The following ZFPM2 variants were observed in gnomAD, a reference collection of about 807,000 sequenced individuals.
The protein encoded by ZFPM2 is zinc finger protein, FOG family member 2, also known as zinc finger protein ZFPM2.
Under a neutral mutation model 98.6 loss-of-function variants are expected in ZFPM2, and 20 were observed. The ratio of observed to expected loss-of-function variants is 0.20; its 90% confidence interval spans 0.14 to 0.29. ZFPM2 has a LOEUF of 0.29. Ranked by LOEUF, ZFPM2 falls within the 10% of genes least tolerant of loss-of-function variation. The pLI, the probability that ZFPM2 is intolerant of heterozygous loss-of-function variation, is 1.00. For missense variants in ZFPM2, 1,310 were observed against 1,388.6 expected (o/e 0.94, Z 0.90); for synonymous variants, 518 against 502.7 (o/e 1.03, Z -0.41).
At chr8:105,506,345 A>C (rs1586423003) in intron 3 of ZFPM2, among the ~76,000 whole-genome samples, 1 of 152,206 alleles carries the variant, frequency 6.6e-6, no homozygotes, top group Admixed American at 6.5e-5. Flanking sequence ...AGAGTTTACT[A>C]TTAGGAGTTA....
chr8:105,675,686 A>G (rs1245621625), intron 5 of ZFPM2, among the ~76,000 whole-genome samples: 1 of 152,120 alleles, frequency 6.6e-6, no homozygotes, highest in South Asian at 2.1e-4. Context: ...AAAAAGCCCA[A>G]TTTCAGAGGC....
At position 105,802,810 on chromosome 8, in the gene ZFPM2, G is replaced by C; in HGVS notation, c.2728G>C (p.Glu910Gln). The C allele has an allele frequency of 6.2e-7, 1 of 1,613,564 alleles. No individual in the cohort carries two copies. Among genetic ancestry groups the C allele is most frequent in the East Asian group, 2.2e-5 (1 of 44,814 alleles). Reference sequence around the variant, plus strand: ...ACGAAACAGCCCTGATGTCAGCTACGAAAGAAGCATAATAAAATGTGAGAA... The same window carrying C: ...ACGAAACAGCCCTGATGTCAGCTACCAAAGAAGCATAATAAAATGTGAGAA... Reference protein sequence around the residue: ...SERNSPDVSYERSIIKCEKNG... With the variant: ...SERNSPDVSYQRSIIKCEKNG... Residue 910 changes from glutamate to glutamine, a missense_variant, in exon 8 of 8, where the codon GAA (glutamate) becomes CAA (glutamine). Transcript: ENST00000407775.
At chr8:105,381,031 C>T (rs1810877798) in intron 1 of ZFPM2, among the ~76,000 whole-genome samples, 1 of 141,644 alleles carries the variant, frequency 7.1e-6, no homozygotes, top group South Asian at 2.1e-4. Context: ...CACCTATCAA[C>T]CCATCATCTA....
chr8:105,493,856 T>G (rs894979269), intron 3 of ZFPM2, among the ~76,000 whole-genome samples: 8 of 152,014 alleles, frequency 5.3e-5, no homozygotes, highest in Admixed American at 3.9e-4. Context: ...TTTCTCCTAA[T>G]TATCCCCATG....
chr8:105,694,613 CAATT>C (rs1220263970), intron 5 of ZFPM2, among the ~76,000 whole-genome samples: 1 of 152,076 alleles, frequency 6.6e-6, no homozygotes, highest in African/African-American at 2.4e-5. Context: ...GATGAACAAT[CAATT>C]CTTGTTTATT....
Position 105,444,387 on chromosome 8 carries a change from G to A in ZFPM2, c.301+6G>A, listed in dbSNP as rs777087260. 6.2e-7 allele frequency: 1 copy of A among 1,601,040 alleles called. No individual in the cohort carries two copies. Among genetic ancestry groups the A allele is most frequent in the East Asian group, 2.2e-5 (1 of 44,638 alleles). On this transcript the variant is annotated splice_donor_region_variant and intron_variant, in intron 3 of 7. Coordinates refer to ENST00000407775, the MANE Select transcript of ZFPM2 (RefSeq NM_012082.4). ...AGACGACTGGGATGGACCAGGTAGGGGAGAATATTTAAAATTCAACCGTCT... is the reference window on the plus strand; with the variant it reads ...AGACGACTGGGATGGACCAGGTAGGAGAGAATATTTAAAATTCAACCGTCT...
chr8:105,801,745 A>G lies in ZFPM2; in HGVS notation c.1663A>G (p.Ile555Val), dbSNP rs781100381. The G allele has an allele frequency of 1.2e-6, 2 of 1,613,960 alleles. No individual in the cohort carries two copies. Among genetic ancestry groups the G allele is most frequent in the South Asian group, 1.1e-5 (1 of 91,076 alleles). ...PKGATCFECN[I>V]TFNNLDNYLV... Reference sequence around the variant, plus strand: ...GGGGGCTACTTGTTTTGAGTGTAACATAACATTCAATAATTTGGATAATTA... The same window carrying G: ...GGGGGCTACTTGTTTTGAGTGTAACGTAACATTCAATAATTTGGATAATTA... The change falls in exon 8 of 8, where the codon ATA (isoleucine) becomes GTA (valine). Residue 555 changes from isoleucine to valine, a missense_variant. By Grantham distance (29) the Ile-to-Val change is conservative. Transcript: ENST00000407775.
chr8:105,481,430 C>T lies in ZFPM2; in HGVS notation c.301+37049C>T, dbSNP rs535277572. ...TGGCCACCTTCTAGCTGTGTGCACA[C>T]GTGGCCTTTTCTGTTTGTGCACACG... On this transcript the variant is annotated intron_variant, in intron 3 of 7. Coordinates refer to ENST00000407775, the MANE Select transcript of ZFPM2 (RefSeq NM_012082.4). Among the ~76,000 whole-genome samples, 158 of 152,078 alleles carry T rather than the reference C, an allele frequency of 1.0e-3. 1 individual carries two copies. The highest frequency in any genetic ancestry group is 2.1e-3 in the Non-Finnish European group (140 of 68,026).
intron 5 of ZFPM2, among the ~76,000 whole-genome samples, chr8:105,695,766 A>G (rs1811004250): frequency 6.6e-6 from 1 of 152,178 alleles, no homozygotes; most frequent in Non-Finnish European, 1.5e-5. Flanking sequence ...ATAGAAATAT[A>G]TAGCGTATAT....
intron 5 of ZFPM2, among the ~76,000 whole-genome samples, chr8:105,666,809 C>A (rs2130896495): frequency 6.7e-6 from 1 of 149,870 alleles, no homozygotes; most frequent in Middle Eastern, 3.4e-3. Context: ...ACCAGACACT[C>A]AAGCAAAGAA....
intron 5 of ZFPM2, among the ~76,000 whole-genome samples, chr8:105,640,387 C>A (rs1483406854): frequency 2.6e-5 from 4 of 151,954 alleles, no homozygotes; most frequent in Non-Finnish European, 4.4e-5. Context: ...ATGCTAATTT[C>A]TTTGTTGTTT....
At chr8:105,445,076 A>C (rs1812339452) in intron 3 of ZFPM2, among the ~76,000 whole-genome samples, 1 of 152,200 alleles carries the variant, frequency 6.6e-6, no homozygotes, top group South Asian at 2.1e-4. Context: ...TTAAGAATAT[A>C]AGTGAGTTCT....
intron 4 of ZFPM2, among the ~76,000 whole-genome samples, chr8:105,602,176 A>T (rs928056443): frequency 3.3e-5 from 5 of 152,084 alleles, no homozygotes; most frequent in African/African-American, 7.2e-5. Context: ...AGAGGAACAC[A>T]CCTAAGGCTA....
At chr8:105,320,256 TTGTGTGTGTGTGTGTGTG>T (rs71305141) in intron 1 of ZFPM2, among the ~76,000 whole-genome samples, 42 of 142,344 alleles carry the variant, frequency 3.0e-4, no homozygotes, top group Non-Finnish European at 5.2e-4. Context: ...ATTCAGATCT[TTGTGTGTGTGTGTGTGTG>T]TGTGTGTGTG....
chr8:105,335,628 G>A (rs1466284591), intron 1 of ZFPM2, among the ~76,000 whole-genome samples: 1 of 151,796 alleles, frequency 6.6e-6, no homozygotes. Context: ...GCCAGCTGAT[G>A]TTCCAGCCAT....
intron 5 of ZFPM2, chr8:105,685,019 A>G (rs545147161): frequency 6.6e-6 from 1 of 152,252 alleles, no homozygotes; most frequent in East Asian, 1.9e-4. Context: ...AGATAGGAAA[A>G]GTAATTCCAG....
intron 3 of ZFPM2, among the ~76,000 whole-genome samples, chr8:105,456,029 A>G (rs1812582469): frequency 6.6e-6 from 1 of 152,124 alleles, no homozygotes; most frequent in Admixed American, 6.6e-5. Context: ...ACAAACCTCT[A>G]TCCCCTAGAG....
intron 4 of ZFPM2, among the ~76,000 whole-genome samples, chr8:105,617,540 G>A (rs1221423200): frequency 6.6e-6 from 1 of 152,158 alleles, no homozygotes; most frequent in East Asian, 1.9e-4. Flanking sequence ...GAGTGGGATA[G>A]ACCTGCAGGA....
chr8:105,622,125 A>G (rs1284735120), intron 4 of ZFPM2, among the ~76,000 whole-genome samples: 1 of 152,060 alleles, frequency 6.6e-6, no homozygotes, highest in Non-Finnish European at 1.5e-5. Flanking sequence ...AAAAAGAATT[A>G]TTTATCTGGC....
Sources: gnomAD v4.1 joint callset for allele counts (sites outside exome capture counted in the v4.1 genomes callset) on GRCh38, gnomAD v4.1.1 for gene constraint, MANE v1.5 for transcripts, NCBI Gene and HGNC (gene_info 2026-07-23, HGNC 2026-07-21) for gene names.